Variants in PKNOX2 observed in about 807,000 individuals in gnomAD.
PKNOX2 encodes PBX/knotted 1 homeobox 2.
Under a neutral mutation model 53.1 loss-of-function variants are expected in PKNOX2, and 14 were observed. The ratio of observed to expected loss-of-function variants is 0.26; its 90% CI spans 0.17 to 0.41. The LOEUF is 0.41. Among genes scored for constraint, PKNOX2 ranks in the 10% least tolerant of loss-of-function variants. The pLI is 1.00. For missense variants in PKNOX2, 496 were observed against 602.8 expected (o/e 0.82, Z 1.85); for synonymous variants, 257 against 242.8 (o/e 1.06, Z -0.54).
At position 125,385,611 on chromosome 11, in the gene PKNOX2, C is replaced by T. The variant is rs759882508; in HGVS notation, c.288C>T (p.Gly96=). The T allele has an allele frequency of 2.5e-5, 40 of 1,613,862 alleles. No individual in the cohort carries two copies. In the Admixed American group the frequency reaches 6.3e-4, roughly 26 times the overall value. The part of the protein sequence containing the change: ...LFEKCEQATQ[G]SECITSASFD... The stretch of plus-strand genomic sequence containing the variant: ...AGAAATGTGAACAGGCCACCCAGGG[C>T]TCTGAGTGCATCACCTCCGCCAGCT... The change falls in exon 6 of 13, where the codon GGC becomes GGT. Residue 96 remains glycine (G), a synonymous_variant. Transcript: ENST00000298282.
At chr11:125,287,621 C>A (rs530201971) in intron 2 of PKNOX2, 1 of 152,122 alleles carries the variant, frequency 6.6e-6, no homozygotes, top group Non-Finnish European at 1.5e-5. Flanking sequence ...TGGAGCAACA[C>A]GTGGTGTTGG....
intron 1 of PKNOX2, among the ~76,000 whole-genome samples, chr11:125,217,375 AGGCAGGAGCCCAGTGG>A (rs1940649646): frequency 6.6e-6 from 1 of 152,214 alleles, no homozygotes; most frequent in Non-Finnish European, 1.5e-5. Context: ...AAAAGAACTC[AGGCAGGAGCCCAGTGG>A]GGCTGGGTTC....
chr11:125,431,710 C>A lies in PKNOX2; in HGVS notation c.*318C>A. On this transcript the variant is annotated 3_prime_UTR_variant, in exon 13 of 13. Transcript: ENST00000298282. Reference sequence around the variant, plus strand: ...TGAGGATAGATGGCACCCATGGCCCCCACCCACGGAAGGACTTGAGTTGTT... The same window carrying A: ...TGAGGATAGATGGCACCCATGGCCCACACCCACGGAAGGACTTGAGTTGTT... 2.8e-6 allele frequency: 1 copy of A among 356,902 alleles called. No homozygotes were observed. Among genetic ancestry groups the A allele is most frequent in the Non-Finnish European group, 5.2e-6 (1 of 192,228 alleles). 22.1% of individuals were successfully genotyped at this position (356,902 alleles called of 1,614,324 possible).
intron 2 of PKNOX2, chr11:125,277,748 CA>C (rs1326169658): frequency 6.6e-6 from 1 of 152,084 alleles, no homozygotes; most frequent in Non-Finnish European, 1.5e-5. Context: ...TTGTATATTT[CA>C]AAATAGCTAG....
chr11:125,375,886 G>A (rs908875916), intron 5 of PKNOX2, among the ~76,000 whole-genome samples: 1 of 152,144 alleles, frequency 6.6e-6, no homozygotes, highest in Non-Finnish European at 1.5e-5. Context: ...GCAGGAGCAG[G>A]TTTGTTATAT....
chr11:125,389,770 C>T (rs1010240085), intron 6 of PKNOX2, among the ~76,000 whole-genome samples: 10 of 152,248 alleles, frequency 6.6e-5, no homozygotes, highest in East Asian at 3.9e-4. Context: ...GTAAAACGTA[C>T]GGTTTCAGTT....
intron 1 of PKNOX2, among the ~76,000 whole-genome samples, chr11:125,206,854 C>G (rs1384391255): frequency 6.6e-6 from 1 of 151,876 alleles, no homozygotes; most frequent in Non-Finnish European, 1.5e-5. Flanking sequence ...AGAAGGATCA[C>G]GTTGGCAGTA....
chr11:125,254,026 T>C (rs569617383), intron 2 of PKNOX2, among the ~76,000 whole-genome samples: 4 of 152,134 alleles, frequency 2.6e-5, no homozygotes, highest in African/African-American at 4.8e-5. Flanking sequence ...GAGGTTCTTA[T>C]GTAACACCAG....
chr11:125,254,657 T>C (rs965117914), intron 2 of PKNOX2, among the ~76,000 whole-genome samples: 1 of 152,234 alleles, frequency 6.6e-6, no homozygotes, highest in Non-Finnish European at 1.5e-5. Flanking sequence ...TGACACTACC[T>C]GTCATCCGAG....
At chr11:125,303,605 C>T (rs1948229664) in intron 2 of PKNOX2, among the ~76,000 whole-genome samples, 1 of 152,206 alleles carries the variant, frequency 6.6e-6, no homozygotes, top group Non-Finnish European at 1.5e-5. Context: ...CTCCATGACT[C>T]CATCACACTT....
At chr11:125,284,808 G>GC (rs1308324055) in intron 2 of PKNOX2, among the ~76,000 whole-genome samples, 1 of 152,004 alleles carries the variant, frequency 6.6e-6, no homozygotes, top group Non-Finnish European at 1.5e-5. Flanking sequence ...AGGTCATTGG[G>GC]CCCCCCTGCT....
At chr11:125,361,302 G>A (rs1431847982) in intron 4 of PKNOX2, among the ~76,000 whole-genome samples, 1 of 152,244 alleles carries the variant, frequency 6.6e-6, no homozygotes, top group East Asian at 1.9e-4. Flanking sequence ...ACGCAGGCCT[G>A]GGGCAGAGGA....
chr11:125,296,676 G>GC (rs1365171285), intron 2 of PKNOX2, among the ~76,000 whole-genome samples: 1 of 152,100 alleles, frequency 6.6e-6, no homozygotes, highest in Non-Finnish European at 1.5e-5. Context: ...TCGCTCTGTT[G>GC]CCAGGCTGGA....
chr11:125,250,952 G>A (rs188880905), intron 2 of PKNOX2, among the ~76,000 whole-genome samples: 336 of 152,332 alleles, frequency 2.2e-3, no homozygotes, highest in African/African-American at 7.2e-3. Flanking sequence ...ACCCCTGGCC[G>A]TGCCAGGCTG....
intron 2 of PKNOX2, among the ~76,000 whole-genome samples, chr11:125,284,029 A>G (rs539727980): frequency 1.3e-5 from 2 of 152,332 alleles, no homozygotes; most frequent in South Asian, 2.1e-4. Context: ...CTCACAAGCT[A>G]TAGGACCTCA....
chr11:125,313,873 CAG>C (rs1948983390), intron 2 of PKNOX2, among the ~76,000 whole-genome samples: 1 of 152,198 alleles, frequency 6.6e-6, no homozygotes. Context: ...TCCATCACCA[CAG>C]AGAGTTCTAT....
At chr11:125,417,362 C>A (rs1020768018) in intron 10 of PKNOX2, among the ~76,000 whole-genome samples, 1 of 152,022 alleles carries the variant, frequency 6.6e-6, no homozygotes, top group Non-Finnish European at 1.5e-5. Context: ...GGAGACCAGG[C>A]CCCAGCAGGC....
intron 1 of PKNOX2, among the ~76,000 whole-genome samples, chr11:125,226,154 G>A (rs533307068): frequency 6.6e-6 from 1 of 152,154 alleles, no homozygotes; most frequent in Non-Finnish European, 1.5e-5. Context: ...TTTACAATAT[G>A]TCTGCTTTGC....
chr11:125,269,096 T>G (rs1397362162), intron 2 of PKNOX2, among the ~76,000 whole-genome samples: 1 of 152,240 alleles, frequency 6.6e-6, no homozygotes, highest in African/African-American at 2.4e-5. Context: ...TGGGAATTCT[T>G]GTAAATTTTT....
Sources: allele counts gnomAD v4.1 joint callset (sites outside exome capture counted in the v4.1 genomes callset), GRCh38; gene constraint gnomAD v4.1.1; transcripts MANE v1.5; gene names NCBI Gene and HGNC (gene_info 2026-07-23, HGNC 2026-07-21).